The following ROBO2 variants were observed in gnomAD, a reference collection of about 807,000 sequenced individuals.
ROBO2 encodes roundabout homolog 2.
ROBO2 carries 53 observed loss-of-function variants against 160.8 expected under a neutral mutation model. The observed-to-expected ratio is 0.33, with a 90% CI of 0.26 to 0.41. The LOEUF is 0.41. Among genes scored for constraint, ROBO2 ranks in the 10% least tolerant of loss-of-function variants. The pLI is 1.00. For missense variants in ROBO2, 1,577 were observed against 1,722.4 expected, an observed-to-expected ratio of 0.92 and a Z score of 1.49; for synonymous variants, 664 against 611.7, an observed-to-expected ratio of 1.09 and a Z score of -1.26.
intron 2 of ROBO2, among the ~76,000 whole-genome samples, chr3:76,527,814 G>A (rs1378238474): frequency 6.6e-6 from 1 of 152,044 alleles, no homozygotes; most frequent in Non-Finnish European, 1.5e-5. Context: ...AGATGGTCAG[G>A]AAAGGATTCA....
At chr3:76,248,914 G>C (rs1222480984) in intron 2 of ROBO2, among the ~76,000 whole-genome samples, 2 of 152,018 alleles carry the variant, frequency 1.3e-5, no homozygotes, top group Non-Finnish European at 2.9e-5. Flanking sequence ...TGCTGTTTAC[G>C]CTGGTACTAG....
chr3:77,639,125 C>T (rs749656586), intron 24 of ROBO2, among the ~76,000 whole-genome samples: 4 of 152,112 alleles, frequency 2.6e-5, no homozygotes, highest in South Asian at 4.2e-4. Context: ...CCACCATGCC[C>T]GGCCCCTTTC....
chr3:76,386,760 G>A (rs544034579), intron 2 of ROBO2, among the ~76,000 whole-genome samples: 73 of 152,192 alleles, frequency 4.8e-4, no homozygotes, highest in African/African-American at 1.6e-3. Context: ...TGTTGAAGTG[G>A]CGTATACTAT....
chr3:76,608,396 G>C (rs2087821585), intron 2 of ROBO2, among the ~76,000 whole-genome samples: 1 of 152,140 alleles, frequency 6.6e-6, no homozygotes, highest in Non-Finnish European at 1.5e-5. Flanking sequence ...ATTAAAATAA[G>C]GTATGGAGGA....
At chr3:76,508,299 C>T (rs1477686010) in intron 2 of ROBO2, among the ~76,000 whole-genome samples, 1 of 151,954 alleles carries the variant, frequency 6.6e-6, no homozygotes, top group African/African-American at 2.4e-5. Context: ...TTAAATTCAC[C>T]ATTAATTATT....
intron 2 of ROBO2, among the ~76,000 whole-genome samples, chr3:76,990,250 T>C (rs1224771043): frequency 1.3e-5 from 2 of 152,228 alleles, no homozygotes; most frequent in Non-Finnish European, 2.9e-5. Flanking sequence ...AGCTGGTCTT[T>C]CTTCAACTTA....
chr3:76,192,643 A>G (rs955684369), intron 2 of ROBO2, among the ~76,000 whole-genome samples: 3 of 151,596 alleles, frequency 2.0e-5, no homozygotes, highest in East Asian at 3.9e-4. Context: ...TCTTCCTTCA[A>G]TCTAGGGCTA....
At chr3:76,800,188 A>G (rs1399308733) in intron 2 of ROBO2, among the ~76,000 whole-genome samples, 2 of 152,240 alleles carry the variant, frequency 1.3e-5, no homozygotes, top group Non-Finnish European at 2.9e-5. Flanking sequence ...ATGAACCAAG[A>G]TGTCCATCTC....
At chr3:77,086,567 T>C (rs2069341990) in intron 1 of ROBO2, among the ~76,000 whole-genome samples, 1 of 152,116 alleles carries the variant, frequency 6.6e-6, no homozygotes, top group Admixed American at 6.5e-5. Flanking sequence ...ATCCCTTACC[T>C]CCATTCCACA....
intron 2 of ROBO2, among the ~76,000 whole-genome samples, chr3:77,266,409 T>C (rs967075207): frequency 3.3e-5 from 5 of 152,126 alleles, no homozygotes; most frequent in African/African-American, 9.7e-5. Context: ...AGAACTGTAC[T>C]ACTGCTTCTC....
intron 2 of ROBO2, among the ~76,000 whole-genome samples, chr3:76,648,275 T>C (rs2091079555): frequency 6.6e-6 from 1 of 152,152 alleles, no homozygotes; most frequent in African/African-American, 2.4e-5. Flanking sequence ...GAAAAAGATA[T>C]AAATTTTCCT....
chr3:77,386,303 C>T (rs763792880), intron 2 of ROBO2, among the ~76,000 whole-genome samples: 1 of 152,104 alleles, frequency 6.6e-6, no homozygotes, highest in East Asian at 1.9e-4. Flanking sequence ...TTCCAATTTA[C>T]AGTATCTTCA....
chr3:76,278,519 C>G (rs1464989132), intron 2 of ROBO2, among the ~76,000 whole-genome samples: 2 of 151,924 alleles, frequency 1.3e-5, no homozygotes, highest in African/African-American at 4.8e-5. Context: ...TTCATCTCAT[C>G]AAGTTGGTTG....
intron 2 of ROBO2, among the ~76,000 whole-genome samples, chr3:76,035,909 T>C (rs1248794321): frequency 6.6e-6 from 1 of 152,124 alleles, no homozygotes; most frequent in East Asian, 1.9e-4. Flanking sequence ...TAGCTCCACC[T>C]TTTCATGGAA....
chr3:76,510,392 C>T (rs1316162444), intron 2 of ROBO2, among the ~76,000 whole-genome samples: 1 of 152,026 alleles, frequency 6.6e-6, no homozygotes, highest in Non-Finnish European at 1.5e-5. Context: ...GAAGGATAAA[C>T]TGTTGAAGTT....
chr3:77,302,120 T>C lies in ROBO2; in HGVS notation c.389-175294T>C, dbSNP rs76714386. Among the ~76,000 whole-genome samples, 184 of 151,848 alleles carry C rather than the reference T, an allele frequency of 1.2e-3. 1 individual carries two copies. The highest frequency in any genetic ancestry group is 2.3e-3 in the Non-Finnish European group (157 of 67,916). The stretch of plus-strand genomic sequence containing the variant: ...AACTAAGTAAAGACATTTTTTTTTT[T>C]CCATAGAAATAGCATCTAGCCATGT... On this transcript the variant is annotated intron_variant, in intron 2 of 25. Transcript: ENST00000461745.
In ROBO2 at chr3:76,447,917, A is replaced by G. The variant is rs186805525; in HGVS notation, c.109+510315A>G. On this transcript the variant is annotated intron_variant, in intron 2 of 26. Coordinates refer to the ROBO2 transcript ENST00000487694. ...TGGGGTGGGGGGAGGGGGGAGGGAT[A>G]GCATTAGGAGATATACCTAATGTTA... 6.0e-3 allele frequency among the ~76,000 whole-genome samples: 890 copies of G among 148,236 alleles called. 10 individuals carry two copies. The highest frequency in any genetic ancestry group is 0.02 in the African/African-American group (806 of 40,212).
intron 2 of ROBO2, among the ~76,000 whole-genome samples, chr3:77,203,229 T>C (rs2083083364): frequency 6.6e-6 from 1 of 152,252 alleles, no homozygotes; most frequent in African/African-American, 2.4e-5. Context: ...ATGTGATTTG[T>C]AAAATATTTT....
intron 2 of ROBO2, among the ~76,000 whole-genome samples, chr3:76,584,612 G>A (rs188490756): frequency 2.6e-5 from 4 of 152,242 alleles, no homozygotes; most frequent in East Asian, 3.9e-4. Flanking sequence ...AGGGACCAAC[G>A]CAGCTGACAT....
Sources: gnomAD v4.1 joint callset for allele counts (sites outside exome capture counted in the v4.1 genomes callset) on GRCh38, gnomAD v4.1.1 for gene constraint, MANE v1.5 for transcripts, NCBI Gene and HGNC (gene_info 2026-07-23, HGNC 2026-07-21) for gene names.